Variants in RBM33 observed in about 807,000 individuals in gnomAD.
RBM33 encodes RNA-binding protein 33.
RBM33 carries 28 observed loss-of-function variants against 132.6 expected under a neutral mutation model. The observed-to-expected ratio is 0.21, with a 90% CI of 0.16 to 0.29. The LOEUF is 0.29. Ranked by LOEUF, RBM33 falls within the 10% of genes least tolerant of loss-of-function variation. The pLI is 1.00. For synonymous variants in RBM33, 634 were observed against 593.0 expected (o/e 1.07, Z -1.01); for missense variants, 1,291 against 1,518.5 (o/e 0.85, Z 2.49).
At chr7:155,666,405 C>G (rs1378716251) in intron 2 of RBM33, among the ~76,000 whole-genome samples, 1 of 152,190 alleles carries the variant, frequency 6.6e-6, no homozygotes, top group African/African-American at 2.4e-5. Flanking sequence ...AGTCTGTGGA[C>G]TCATTGCTAA....
chr7:155,695,170 A>G (rs1425895628), intron 5 of RBM33, among the ~76,000 whole-genome samples: 3 of 152,032 alleles, frequency 2.0e-5, no homozygotes, highest in East Asian at 3.9e-4. Flanking sequence ...GGACTTCCGT[A>G]TATCTTCTTT....
intron 14 of RBM33, among the ~76,000 whole-genome samples, chr7:155,747,904 C>T (rs917844830): frequency 5.3e-5 from 8 of 152,168 alleles, no homozygotes; most frequent in Non-Finnish European, 8.8e-5. Context: ...AGAACATATT[C>T]CTAATGGTGG....
chr7:155,757,988 C>T (rs114637814), intron 14 of RBM33, among the ~76,000 whole-genome samples: 1,637 of 152,262 alleles, frequency 0.011, 25 homozygotes, highest in African/African-American at 0.037. Flanking sequence ...CACAGTCATC[C>T]GCCCCATGAT....
chr7:155,669,343 C>T (rs1798882753), intron 2 of RBM33, among the ~76,000 whole-genome samples: 1 of 151,798 alleles, frequency 6.6e-6, no homozygotes, highest in South Asian at 2.1e-4. Flanking sequence ...AAAGAGATAC[C>T]CACTCAAAAA....
chr7:155,674,257 T>C (rs911129114), intron 3 of RBM33, among the ~76,000 whole-genome samples: 3 of 152,120 alleles, frequency 2.0e-5, no homozygotes, highest in Non-Finnish European at 4.4e-5. Flanking sequence ...GTCCATCTTG[T>C]AGTGTGACGT....
chr7:155,774,976 T>A lies in RBM33; in HGVS notation c.3465-17T>A. ...ATGTGCAGGGTTAGTGTCGATCGTT[T>A]CTTTAAATTTTCACAGGCATATGAT... is the stretch of plus-strand genomic sequence containing the variant. On this transcript the variant is annotated splice_polypyrimidine_tract_variant and intron_variant, in intron 17 of 17. Transcript: ENST00000401878. The surrounding 1 kb of genome is among the most constrained non-coding windows in gnomAD (Gnocchi z 4.2). 1.2e-6 allele frequency: 2 copies of A among 1,613,420 alleles called. No homozygotes were observed. The highest frequency in any genetic ancestry group is 1.7e-6 in the Non-Finnish European group (2 of 1,179,362).
In RBM33 at chr7:155,685,186, C is replaced by T. The variant is rs958235025; in HGVS notation, c.567+4278C>T. On this transcript the variant is annotated intron_variant, in intron 5 of 17. Coordinates refer to ENST00000401878, the MANE Select transcript of RBM33 (RefSeq NM_053043.3). Reference sequence around the variant, plus strand: ...GTGAGTGTATAGTGAAAAACTTGAACTTTCTAGGCTCCTTGGGAAGTGAGT... The same window carrying T: ...GTGAGTGTATAGTGAAAAACTTGAATTTTCTAGGCTCCTTGGGAAGTGAGT... 6 of 870,534 alleles carry T rather than the reference C, an allele frequency of 6.9e-6. No homozygotes were observed. The African/African-American group carries it at 1.0e-4, about 15-fold the overall frequency. 53.9% of individuals were successfully genotyped at this position (870,534 alleles called of 1,614,324 possible). A position where few individuals can be genotyped will look rare whatever the true frequency, so the allele number is the denominator to read the frequency against.
At position 155,757,224 on chromosome 7, in the gene RBM33, C is replaced by A. The variant is rs111944278; in HGVS notation, c.2980-6588C>A. On this transcript the variant is annotated intron_variant, in intron 14 of 17. Coordinates refer to ENST00000401878, the MANE Select transcript of RBM33 (RefSeq NM_053043.3). ...TTGTTCACCTGATCCAAACTACGCT[C>A]CTGGCCACAACCTAGGAATGTGTAT... Among the ~76,000 whole-genome samples, 631 of 152,266 alleles carry A rather than the reference C, an allele frequency of 4.1e-3. 8 individuals are homozygous for A. Among genetic ancestry groups the A allele is most frequent in the African/African-American group, 0.015 (607 of 41,550 alleles).
At chr7:155,763,009 A>T (rs1042356000) in intron 14 of RBM33, among the ~76,000 whole-genome samples, 1 of 152,356 alleles carries the variant, frequency 6.6e-6, no homozygotes, top group Admixed American at 6.5e-5. Flanking sequence ...ACCCTAAGAC[A>T]TGTTTATGCT....
intron 2 of RBM33, among the ~76,000 whole-genome samples, chr7:155,672,427 TAAAG>T (rs922227257): frequency 1.4e-4 from 21 of 152,194 alleles, no homozygotes; most frequent in African/African-American, 4.3e-4. Flanking sequence ...TTATTATTAA[TAAAG>T]AAAGAGGAAA....
chr7:155,734,019 G>T (rs1340273110), intron 9 of RBM33, among the ~76,000 whole-genome samples: 2 of 152,198 alleles, frequency 1.3e-5, no homozygotes, highest in African/African-American at 4.8e-5. Flanking sequence ...TGTTCCTCGG[G>T]GCTCCTTCTC....
chr7:155,707,189 G>A (rs1397360550), intron 7 of RBM33, 121 bp downstream of exon 7: 1 of 899,728 alleles, frequency 1.1e-6, no homozygotes, highest in South Asian at 1.4e-5. Flanking sequence ...AGTAGCAGGG[G>A]TAATGGCTGA....
chr7:155,699,507 C>T (rs1799897609), intron 5 of RBM33, among the ~76,000 whole-genome samples: 1 of 152,166 alleles, frequency 6.6e-6, no homozygotes, highest in Admixed American at 6.5e-5. Flanking sequence ...ATTTCAAACA[C>T]TCAGTAGTAC....
chr7:155,716,281 C>T (rs553143460), intron 8 of RBM33, among the ~76,000 whole-genome samples: 1 of 130,576 alleles, frequency 7.7e-6, no homozygotes, highest in Non-Finnish European at 1.6e-5. Context: ...CCGCACGCAG[C>T]AACCCTTTTT....
intron 1 of RBM33, among the ~76,000 whole-genome samples, chr7:155,660,173 A>G (rs1310680438): frequency 6.6e-6 from 1 of 152,192 alleles, no homozygotes; most frequent in Non-Finnish European, 1.5e-5. Context: ...TCCTGGGCTC[A>G]AGCAGTCCTC....
At chr7:155,742,285 C>G (rs939229460) in intron 13 of RBM33, among the ~76,000 whole-genome samples, 179 bp downstream of exon 13, 1 of 132,354 alleles carries the variant, frequency 7.6e-6, no homozygotes, top group Non-Finnish European at 1.6e-5. Flanking sequence ...TGTATTCTCA[C>G]TAGTTTACAA....
rs768415963 is a variant in RBM33, at chr7:155,772,214, C to T, written c.3376-2345C>T. On this transcript the variant is annotated intron_variant, in intron 16 of 17. Coordinates refer to ENST00000401878, the MANE Select transcript of RBM33 (RefSeq NM_053043.3). The stretch of plus-strand genomic sequence containing the variant: ...GCACTGAGCATGCTGGTGCTGTTGC[C>T]GGAAGAACGGAGAGAACCCCGGAGG... Among the ~76,000 whole-genome samples the T allele has an allele frequency of 2.0e-4, 31 of 152,236 alleles. No homozygotes were observed. The South Asian group carries it at 3.5e-3, about 17-fold the overall frequency.
Position 155,774,529 on chromosome 7 carries a change from G to T in RBM33, c.3376-30G>T. 1 of 1,481,228 alleles carries T rather than the reference G, an allele frequency of 6.8e-7. No homozygotes were observed. The highest frequency in any genetic ancestry group is 1.1e-5 in the South Asian group (1 of 88,304). 91.8% of individuals were successfully genotyped at this position (1,481,228 alleles called of 1,614,324 possible). A position where few individuals can be genotyped will look rare whatever the true frequency, so the allele number is the denominator to read the frequency against. ...ATATTTTTTATTGTCATTTACAACT[G>T]ATCTTAAAGTGTTTGTTTTCTTCCT... On this transcript the variant is annotated intron_variant, in intron 16 of 17. Transcript: ENST00000401878. The surrounding 1 kb of genome is among the most constrained non-coding windows in gnomAD (Gnocchi z 4.2).
chr7:155,661,071 T>A (rs1798625356), intron 1 of RBM33, among the ~76,000 whole-genome samples: 1 of 151,056 alleles, frequency 6.6e-6, no homozygotes, highest in Admixed American at 6.6e-5. Flanking sequence ...ATTTGGTTTT[T>A]AAAAATAATT....
Sources: gnomAD v4.1 joint callset for allele counts (sites outside exome capture counted in the v4.1 genomes callset) on GRCh38, gnomAD v4.1.1 for gene constraint, Gnocchi (gnomAD v3.1) non-coding constraint, MANE v1.5 for transcripts, NCBI Gene and HGNC (gene_info 2026-07-23, HGNC 2026-07-21) for gene names.